The following IL1R1 variants were observed in gnomAD, a reference collection of about 807,000 sequenced individuals.
IL1R1 encodes the protein interleukin 1 receptor type 1.
Under a neutral mutation model 50.2 loss-of-function variants are expected in IL1R1, and 22 were observed. That is an observed-to-expected ratio of 0.44 (90% confidence interval 0.31 to 0.63). The LOEUF is 0.63. Among genes scored for constraint, IL1R1 ranks in the 20% least tolerant of loss-of-function variants. The pLI, the probability that IL1R1 is intolerant of heterozygous loss-of-function variation, is 0.07. For missense variants in IL1R1, 509 were observed against 676.2 expected (o/e 0.75, Z 2.74); for synonymous variants, 251 against 236.7 (o/e 1.06, Z -0.55).
intron 7 of IL1R1, among the ~76,000 whole-genome samples, chr2:102,171,204 C>T (rs994880016): frequency 2.6e-5 from 4 of 152,186 alleles, no homozygotes; most frequent in Non-Finnish European, 4.4e-5. Flanking sequence ...ACATTTTCTT[C>T]TCTCAAAAGG....
intron 1 of IL1R1, among the ~76,000 whole-genome samples, chr2:102,124,200 T>A (rs1255267962): frequency 8.5e-5 from 13 of 152,098 alleles, no homozygotes; most frequent in African/African-American, 3.1e-4. Context: ...GGTGGGCAGA[T>A]TGCCCAAGGT....
At chr2:102,126,899 TG>T (rs1681741824) in intron 1 of IL1R1, among the ~76,000 whole-genome samples, 1 of 152,226 alleles carries the variant, frequency 6.6e-6, no homozygotes, top group African/African-American at 2.4e-5. Flanking sequence ...CTGTCCAGCC[TG>T]GGTTTTAAGG....
At chr2:102,162,170 T>C in intron 3 of IL1R1, among the ~76,000 whole-genome samples, 1 of 152,238 alleles carries the variant, frequency 6.6e-6, no homozygotes, top group East Asian at 1.9e-4. Flanking sequence ...GGTATATGTA[T>C]ACATTGTGAA....
intron 9 of IL1R1, 26 bp downstream of exon 9, chr2:102,172,864 A>G: frequency 1.9e-6 from 3 of 1,550,364 alleles, no homozygotes; most frequent in Non-Finnish European, 2.6e-6. Context: ...ATTGAAATGC[A>G]GTTTTGTTTT....
At chr2:102,137,773 A>T (rs943349373), upstream of IL1R1, among the ~76,000 whole-genome samples, 2 of 152,246 alleles carry the variant, frequency 1.3e-5, no homozygotes, top group Non-Finnish European at 2.9e-5. Flanking sequence ...GATGAGAAGC[A>T]AAGAATTTGC....
At position 102,172,713 on chromosome 2, in the gene IL1R1, G is replaced by C; in HGVS notation, c.866G>C (p.Arg289Thr). Residue 289 changes from arginine (R) to threonine (T), a missense_variant, in exon 9 of 12, where the codon AGG becomes ACG. Coordinates refer to ENST00000410023, the MANE Select transcript of IL1R1 (RefSeq NM_000877.4). ...YSVENPANKR[R>T]STLITVLNIS... ...GTGGAAAATCCTGCAAACAAAAGAA[G>C]GAGTACCCTCATCACAGTGCTTAAT... 1.2e-6 allele frequency: 2 copies of C among 1,609,240 alleles called. No individual in the cohort carries two copies. Among genetic ancestry groups the C allele is most frequent in the South Asian group, 2.2e-5 (2 of 90,508 alleles).
chr2:102,167,608 C>T (rs370523797), intron 6 of IL1R1, among the ~76,000 whole-genome samples: 231 of 151,948 alleles, frequency 1.5e-3, no homozygotes, highest in Middle Eastern at 0.01. Context: ...CCACCACGCC[C>T]GGCTAATTTT....
At position 102,172,726 on chromosome 2, in the gene IL1R1, C is replaced by T. The variant is rs1251874299; in HGVS notation, c.879C>T (p.Ile293=). ...NPANKRRSTL[I]TVLNISEIES... ...CAAACAAAAGAAGGAGTACCCTCAT[C>T]ACAGTGCTTAATATATCGGAAATTG... The change falls in exon 9 of 12, where the codon ATC becomes ATT. Residue 293 remains isoleucine (I), a synonymous_variant. Transcript: ENST00000410023. 6.2e-7 allele frequency: 1 copy of T among 1,612,138 alleles called. No homozygotes were observed. The highest frequency in any genetic ancestry group is 1.1e-5 in the South Asian group (1 of 90,890).
In IL1R1 at chr2:102,165,323, T is replaced by C. The variant is rs757685798; in HGVS notation, c.486+19T>C. 2.2e-6 allele frequency: 3 copies of C among 1,369,332 alleles called. No homozygotes were observed. Among genetic ancestry groups the C allele is most frequent in the East Asian group, 4.7e-5 (2 of 42,482 alleles). 84.8% of individuals were successfully genotyped at this position (1,369,332 alleles called of 1,614,324 possible). ...GTATAAGGTAATTTTATTTTAAATA[T>C]GACATTTCACTTTTCCAGAAAATAA... is the stretch of plus-strand genomic sequence containing the variant. On this transcript the variant is annotated intron_variant, in intron 5 of 11. Transcript: ENST00000410023.
chr2:102,095,582 AAGT>A, intron 1 of IL1R1, among the ~76,000 whole-genome samples: 1 of 152,302 alleles, frequency 6.6e-6, no homozygotes, highest in Non-Finnish European at 1.5e-5. Flanking sequence ...GGCATCTTTG[AAGT>A]TTTCTGTATA....
In IL1R1 at chr2:102,164,968, G is replaced by A; in HGVS notation, c.256G>A (p.Ala86Thr). 1.2e-6 allele frequency: 2 copies of A among 1,614,092 alleles called. No homozygotes were observed. Among genetic ancestry groups the A allele is most frequent in the Non-Finnish European group, 1.7e-6 (2 of 1,179,964 alleles). The change falls in exon 4 of 12, where the codon GCT becomes ACT. Residue 86 changes from alanine to threonine, a missense_variant. Ala to Thr is a moderately conservative substitution (Grantham distance 58). Coordinates refer to ENST00000410023, the MANE Select transcript of IL1R1 (RefSeq NM_000877.4). ...QHKEKLWFVP[A>T]KVEDSGHYYC... The stretch of plus-strand genomic sequence containing the variant: ...CAAAGAGAAACTTTGGTTTGTTCCT[G>A]CTAAGGTGGAGGATTCAGGACATTA...
chr2:102,126,509 C>T (rs1681715992), intron 1 of IL1R1, among the ~76,000 whole-genome samples: 1 of 151,838 alleles, frequency 6.6e-6, no homozygotes, highest in South Asian at 2.1e-4. Flanking sequence ...GCGAAAAATA[C>T]TTTGTGTTTA....
intron 1 of IL1R1, among the ~76,000 whole-genome samples, chr2:102,073,550 C>T (rs569159807): frequency 6.6e-6 from 1 of 152,298 alleles, no homozygotes; most frequent in African/African-American, 2.4e-5. Flanking sequence ...GCACTGGTGG[C>T]TTCTCAGAAG....
At position 102,148,177 on chromosome 2, in the gene IL1R1, C is replaced by T. The variant is rs569657011; in HGVS notation, c.-84+5157C>T. Among the ~76,000 whole-genome samples the T allele has an allele frequency of 6.4e-4, 97 of 152,314 alleles. 1 individual carries two copies. The highest frequency in any genetic ancestry group is 2.2e-3 in the African/African-American group (92 of 41,566). The stretch of plus-strand genomic sequence containing the variant: ...ATAGAGCGTGGGTGACTAATCTCCA[C>T]GAGATGGAAACCATTGTGTCACCTT... On this transcript the variant is annotated intron_variant, in intron 1 of 11. Coordinates refer to ENST00000410023, the MANE Select transcript of IL1R1 (RefSeq NM_000877.4).
Position 102,087,677 on chromosome 2 carries a change from C to A in IL1R1, c.-84+17144C>A, listed in dbSNP as rs113636618. Among the ~76,000 whole-genome samples the A allele has an allele frequency of 6.6e-3, 1,012 of 152,278 alleles. 14 individuals are homozygous for A. The highest frequency in any genetic ancestry group is 0.022 in the African/African-American group (903 of 41,542). On this transcript the variant is annotated intron_variant, in intron 1 of 11. Coordinates refer to the IL1R1 transcript ENST00000409929. ...TCCCCCTTGCTCTCTCTCCGTCTCTCCTGCCACCGTGTAAGACGTGCCTTG... is the reference window on the plus strand; with the variant it reads ...TCCCCCTTGCTCTCTCTCCGTCTCTACTGCCACCGTGTAAGACGTGCCTTG...
intron 1 of IL1R1, among the ~76,000 whole-genome samples, chr2:102,080,360 C>T (rs1272781881): frequency 6.6e-6 from 1 of 152,014 alleles, no homozygotes; most frequent in Admixed American, 6.5e-5. Flanking sequence ...ATAATATGCA[C>T]AAATCTCTGA....
At chr2:102,173,431 T>A (rs1261984337) in intron 9 of IL1R1, among the ~76,000 whole-genome samples, 1 of 152,230 alleles carries the variant, frequency 6.6e-6, no homozygotes, top group Admixed American at 6.5e-5. Flanking sequence ...CTCTATAAAT[T>A]AACTTCTATG....
At chr2:102,134,262 G>GTGTTCTC (rs113781193) in intron 1 of IL1R1, among the ~76,000 whole-genome samples, 123,570 of 151,774 alleles carry the variant, frequency 0.81, 50,796 homozygotes, top group African/African-American at 0.92. Flanking sequence ...GTTCTTGTCG[G>GTGTTCTC]TGCACTCAAC....
intron 8 of IL1R1, 48 bp from the exon 9 acceptor site, chr2:102,172,639 T>C: frequency 1.3e-6 from 2 of 1,502,390 alleles, no homozygotes; most frequent in Non-Finnish European, 1.8e-6. Context: ...TTATTTGTAG[T>C]TGATGCAATT....
Sources: gnomAD v4.1 joint callset for allele counts (sites outside exome capture counted in the v4.1 genomes callset) on GRCh38, gnomAD v4.1.1 for gene constraint, MANE v1.5 for transcripts, NCBI Gene and HGNC (gene_info 2026-07-23, HGNC 2026-07-21) for gene names.